Variants in KLRB1 observed in about 807,000 individuals in gnomAD.
The protein encoded by KLRB1 is killer cell lectin-like receptor subfamily B member 1.
KLRB1 carries 27 observed loss-of-function variants against 33.5 expected under a neutral mutation model. The observed-to-expected ratio is 0.81, with a 90% CI of 0.59 to 1.11. The LOEUF (loss-of-function observed/expected upper bound fraction) is 1.11. Ranked by LOEUF, KLRB1 falls within the 50% of genes most tolerant of loss-of-function variation. The pLI, the probability that KLRB1 is intolerant of heterozygous loss-of-function variation, is 0.00. For synonymous variants in KLRB1, 64 were observed against 88.9 expected, an observed-to-expected ratio of 0.72 and a Z score of 1.58; for missense variants, 241 against 254.1, an observed-to-expected ratio of 0.95 and a Z score of 0.35.
chr12:9,595,251 A>G lies in KLRB1; in HGVS notation c.*23T>C. 1 of 1,610,024 alleles carries G rather than the reference A, an allele frequency of 6.2e-7. No individual in the cohort carries two copies. The highest frequency in any genetic ancestry group is 1.1e-5 in the South Asian group (1 of 90,970). On this transcript the variant is annotated 3_prime_UTR_variant, in exon 6 of 6. Coordinates refer to ENST00000229402, the MANE Select transcript of KLRB1 (RefSeq NM_002258.3). ...TACAGAGATCAGTAATGGGAAGCAA[A>G]TAAATTGAGATGGGATTCATAGTCA...
intron 1 of KLRB1, among the ~76,000 whole-genome samples, chr12:9,605,451 T>A (rs1394846154): frequency 6.6e-6 from 1 of 152,150 alleles, no homozygotes; most frequent in African/African-American, 2.4e-5. Context: ...TACTATAAAC[T>A]CTATGAAGGA....
At chr12:9,601,228 C>T (rs1252530633) in intron 2 of KLRB1, among the ~76,000 whole-genome samples, 2 of 151,352 alleles carry the variant, frequency 1.3e-5, no homozygotes, top group Non-Finnish European at 2.9e-5. Context: ...CTGACACATC[C>T]CCCTCTCGAG....
intron 1 of KLRB1, among the ~76,000 whole-genome samples, chr12:9,603,604 T>C (rs1274281222): frequency 6.6e-6 from 1 of 150,798 alleles, no homozygotes; most frequent in East Asian, 1.9e-4. Context: ...TTGTATTTTT[T>C]TTTTTTTTTT....
intron 2 of KLRB1, among the ~76,000 whole-genome samples, chr12:9,600,147 ATC>A (rs1864525935): frequency 6.6e-6 from 1 of 152,196 alleles, no homozygotes; most frequent in Non-Finnish European, 1.5e-5. Flanking sequence ...CCTGAACTTT[ATC>A]ATCTTCAAAA....
At chr12:9,607,300 CCTTT>C (rs998682907) in intron 1 of KLRB1, among the ~76,000 whole-genome samples, 12 of 74,820 alleles carry the variant, frequency 1.6e-4, no homozygotes, top group Admixed American at 7.8e-4. Context: ...TTCTTTCTCT[CCTTT>C]CTTTCTTTCT....
In KLRB1 at chr12:9,604,902, A is replaced by G. The variant is rs553679079; in HGVS notation, c.85+2853T>C. ...TGGGCACAATGTGCAGGTTTGTTAC[A>G]TATGTATACATGTGCCATGTTGGTT... On this transcript the variant is annotated intron_variant, in intron 1 of 5. Transcript: ENST00000229402. 5.3e-5 allele frequency among the ~76,000 whole-genome samples: 8 copies of G among 152,020 alleles called. No homozygotes were observed. The South Asian group carries it at 1.0e-3, about 20-fold the overall frequency.
At chr12:9,606,903 C>T (rs1006437617) in intron 1 of KLRB1, among the ~76,000 whole-genome samples, 6 of 150,956 alleles carry the variant, frequency 4.0e-5, no homozygotes, top group Admixed American at 2.7e-4. Flanking sequence ...ACCACAGGCA[C>T]GTGCCCCACA....
rs1252430439 is a variant in KLRB1, at chr12:9,598,639, A to T, written c.274T>A (p.Leu92Ile). The change falls in exon 4 of 6, where the codon TTA (leucine) becomes ATA (isoleucine). Residue 92 changes from leucine to isoleucine, a missense_variant. Physicochemically the swap from Leu to Ile is conservative, Grantham distance 5. Coordinates refer to ENST00000229402, the MANE Select transcript of KLRB1 (RefSeq NM_002258.3). ...TGCTGCCAATATATTGGGCAGTTTA[A>T]GAGACCCGGTCTCTCTAAAGTAAAA... ...RNKTTERPGL[L>I]NCPIYWQQLR... 1 of 1,611,470 alleles carries T rather than the reference A, an allele frequency of 6.2e-7. No homozygotes were observed. The highest frequency in any genetic ancestry group is 8.5e-7 in the Non-Finnish European group (1 of 1,178,620).
rs1864621978 is a variant in KLRB1 at position 9,607,335 on chromosome 12, C to CCTTCCTTCCTTCCTTCCTTT, written c.85+419_85+420insAAAGGAAGGAAGGAAGGAAG. On this transcript the variant is annotated intron_variant, in intron 1 of 5. Coordinates refer to ENST00000229402, the MANE Select transcript of KLRB1 (RefSeq NM_002258.3). ...TTTCTTCTTTTCTTTCTCTTTCTTT[C>CCTTCCTTCCTTCCTTCCTTT]CTTTCTTTCTTTCTTTCTTCCTTTC... Among the ~76,000 whole-genome samples, 49 of 65,248 alleles carry CCTTCCTTCCTTCCTTCCTTT rather than the reference C, an allele frequency of 7.5e-4. 1 individual carries two copies. Among genetic ancestry groups the CCTTCCTTCCTTCCTTCCTTT allele is most frequent in the East Asian group, 6.9e-3 (11 of 1,584 alleles). The allele number at this position is 65,248 out of a possible 152,430, so 42.8% of individuals were successfully genotyped here. A position where few individuals can be genotyped will look rare whatever the true frequency, so the allele number is the denominator to read the frequency against.
At chr12:9,607,343 T>C (rs771012621) in intron 1 of KLRB1, among the ~76,000 whole-genome samples, 4,151 of 67,396 alleles carry the variant, frequency 0.062, 254 homozygotes, top group South Asian at 0.12. Flanking sequence ...TTCCTTTCTT[T>C]CTTTCTTTCT....
rs916146792 is a variant in KLRB1, at chr12:9,601,391, C to G, written c.184+110G>C. 34 of 695,224 alleles carry G rather than the reference C, an allele frequency of 4.9e-5. No individual in the cohort carries two copies. In the South Asian group the frequency reaches 5.3e-4, roughly 11 times the overall value. 43.1% of individuals were successfully genotyped at this position (695,224 alleles called of 1,614,324 possible). Reference sequence around the variant, plus strand: ...TTTCCAAATCTCTCGTCCCACCTTACGAGAAACACCCACAGGTGTGTAGGG... The same window carrying G: ...TTTCCAAATCTCTCGTCCCACCTTAGGAGAAACACCCACAGGTGTGTAGGG... On this transcript the variant is annotated intron_variant, in intron 2 of 5. Coordinates refer to ENST00000229402, the MANE Select transcript of KLRB1 (RefSeq NM_002258.3).
intron 4 of KLRB1, 22 bp from the exon 5 acceptor site, chr12:9,598,183 A>T (rs1250218387): frequency 7.0e-7 from 1 of 1,432,330 alleles, no homozygotes. Flanking sequence ...ACAGAAAAAT[A>T]TTGAATCTGC....
At chr12:9,599,592 T>G (rs772452037) in intron 3 of KLRB1, among the ~76,000 whole-genome samples, 175 bp downstream of exon 3, 1 of 152,344 alleles carries the variant, frequency 6.6e-6, no homozygotes, top group East Asian at 1.9e-4. Context: ...CACTTGGTGC[T>G]TATGTGACCC....
intron 5 of KLRB1, among the ~76,000 whole-genome samples, chr12:9,597,104 T>C (rs1191652846): frequency 6.6e-6 from 1 of 152,164 alleles, no homozygotes; most frequent in Non-Finnish European, 1.5e-5. Context: ...TGTTTAATAC[T>C]TTCCATACTT....
chr12:9,607,335 C>CCTTCCTTCCTGCCTTCCTTCCTTT (rs1864621978), intron 1 of KLRB1, among the ~76,000 whole-genome samples: 21 of 65,246 alleles, frequency 3.2e-4, no homozygotes, highest in Middle Eastern at 7.5e-3. Flanking sequence ...CTCTTTCTTT[C>CCTTCCTTCCTGCCTTCCTTCCTTT]CTTTCTTTCT....
intron 1 of KLRB1, among the ~76,000 whole-genome samples, chr12:9,607,313 C>CTT (rs1555097735): frequency 1.0e-5 from 1 of 100,400 alleles, no homozygotes; most frequent in Non-Finnish European, 2.2e-5. Flanking sequence ...TTCTTTCTTT[C>CTT]TTCTTTTCTT....
intron 3 of KLRB1, 46 bp from the exon 4 acceptor site, chr12:9,598,699 C>T: frequency 1.4e-6 from 2 of 1,396,078 alleles, no homozygotes; most frequent in South Asian, 1.3e-5. Context: ...TATTTCTAAC[C>T]TATCCCTGAC....
intron 1 of KLRB1, among the ~76,000 whole-genome samples, chr12:9,601,841 A>G (rs1031873796): frequency 3.3e-5 from 5 of 152,226 alleles, no homozygotes; most frequent in African/African-American, 1.2e-4. Context: ...ACGCTTATGC[A>G]TGTGTGTATA....
chr12:9,599,962 A>G, intron 2 of KLRB1, 121 bp from the exon 3 acceptor site: 1 of 611,448 alleles, frequency 1.6e-6, no homozygotes, highest in South Asian at 1.9e-5. Flanking sequence ...ACAGAAAATA[A>G]AAGTATTAGC....
Sources: gnomAD v4.1 joint callset for allele counts (sites outside exome capture counted in the v4.1 genomes callset) on GRCh38, gnomAD v4.1.1 for gene constraint, MANE v1.5 for transcripts, NCBI Gene and HGNC (gene_info 2026-07-23, HGNC 2026-07-21) for gene names.